The following PLEKHA5 variants were observed in gnomAD, a reference collection of about 807,000 sequenced individuals.
PLEKHA5 encodes pleckstrin homology domain containing A5.
In PLEKHA5, 55 loss-of-function variants were observed where a neutral mutation model predicts 181.9. The ratio of observed to expected loss-of-function variants is 0.30; its 90% confidence interval spans 0.24 to 0.38. The LOEUF is 0.38. PLEKHA5 is among the 10% of genes least tolerant of loss of function. The pLI, the probability that PLEKHA5 is intolerant of heterozygous loss-of-function variation, is 1.00. For missense variants in PLEKHA5, 1,432 were observed against 1,549.5 expected (o/e 0.92, Z 1.27); for synonymous variants, 535 against 529.4 (o/e 1.01, Z -0.15).
At chr12:19,198,800 A>C (rs987392433) in intron 3 of PLEKHA5, among the ~76,000 whole-genome samples, 1 of 152,158 alleles carries the variant, frequency 6.6e-6, no homozygotes, top group African/African-American at 2.4e-5. Context: ...GCGCTAAGAA[A>C]TATTTATTTT....
chr12:19,172,156 T>C (rs1448705439), intron 3 of PLEKHA5, among the ~76,000 whole-genome samples: 61 of 152,342 alleles, frequency 4.0e-4, no homozygotes, highest in Admixed American at 3.9e-3. Flanking sequence ...TACATAATTG[T>C]ATGTGTTATA....
chr12:19,218,944 A>ATT (rs1226278651), intron 3 of PLEKHA5, among the ~76,000 whole-genome samples: 1 of 131,662 alleles, frequency 7.6e-6, no homozygotes, highest in Non-Finnish European at 1.7e-5. Flanking sequence ...TTTTTTTTTA[A>ATT]TTTTTTTTTT....
intron 3 of PLEKHA5, among the ~76,000 whole-genome samples, chr12:19,155,345 C>A (rs2041433847): frequency 6.6e-6 from 1 of 152,090 alleles, no homozygotes. Flanking sequence ...GAACTCAAGT[C>A]CATTTATTTA....
chr12:19,359,611 T>C (rs909092694), intron 28 of PLEKHA5, 65 bp downstream of exon 28: 1 of 1,453,022 alleles, frequency 6.9e-7, no homozygotes, highest in East Asian at 2.3e-5. Flanking sequence ...AATCAAGTGG[T>C]AAGGTTGAAA....
rs1461069710 is a variant in PLEKHA5 at position 19,334,870 on chromosome 12, C to CTATCTATCTA, written c.2449-1644_2449-1643insATCTATCTAT. On this transcript the variant is annotated intron_variant, in intron 20 of 31. Transcript: ENST00000429027. ...TATATATATATATATATATATATATCTCTGTATACGCACACACACACAAAA... is the reference window on the plus strand; with the variant it reads ...TATATATATATATATATATATATATCTATCTATCTATCTGTATACGCACACACACACAAAA... Among the ~76,000 whole-genome samples the CTATCTATCTA allele has an allele frequency of 2.4e-3, 63 of 26,250 alleles. 1 individual carries two copies. Among genetic ancestry groups the CTATCTATCTA allele is most frequent in the Non-Finnish European group, 4.2e-3 (48 of 11,436 alleles). 17.2% of individuals were successfully genotyped at this position (26,250 alleles called of 152,430 possible).
intron 15 of PLEKHA5, among the ~76,000 whole-genome samples, chr12:19,299,867 CA>C (rs1291396557): frequency 6.6e-6 from 1 of 151,810 alleles, no homozygotes; most frequent in African/African-American, 2.4e-5. Context: ...TTTTGCCTTA[CA>C]AAAAAAAGTC....
At chr12:19,241,629 G>A (rs2062624767) in intron 3 of PLEKHA5, among the ~76,000 whole-genome samples, 1 of 151,912 alleles carries the variant, frequency 6.6e-6, no homozygotes, top group South Asian at 2.1e-4. Context: ...TGGTTGTGGT[G>A]CCTGTAATCC....
At chr12:19,244,687 G>C (rs923398802) in intron 3 of PLEKHA5, among the ~76,000 whole-genome samples, 6 of 152,206 alleles carry the variant, frequency 3.9e-5, no homozygotes, top group African/African-American at 1.4e-4. Context: ...TGTGAGTTTA[G>C]TAAGAAACAA....
chr12:19,130,018 G>A lies in PLEKHA5; in HGVS notation c.90-33G>A. On this transcript the variant is annotated intron_variant, in intron 1 of 31. Coordinates refer to ENST00000429027, the MANE Select transcript of PLEKHA5 (RefSeq NM_001256470.2). The surrounding 1 kb of genome is among the most constrained non-coding windows in gnomAD (Gnocchi z 4.5). ...GGCTCGCCCCCGCGTCCCCTCTCAC[G>A]CTCCGTGTCTGCCCCTTCTCTCACC... The A allele has an allele frequency of 6.5e-7, 1 of 1,535,488 alleles. No individual in the cohort carries two copies. Among genetic ancestry groups the A allele is most frequent in the South Asian group, 1.2e-5 (1 of 84,208 alleles).
At chr12:19,287,440 C>T (rs761268503) in intron 12 of PLEKHA5, 33 bp from the exon 13 acceptor site, 2 of 1,371,454 alleles carry the variant, frequency 1.5e-6, no homozygotes, top group Non-Finnish European at 2.1e-6. Context: ...AAAAACTTTA[C>T]CACAGAATTA....
chr12:19,198,709 C>T (rs1430136995), intron 3 of PLEKHA5, among the ~76,000 whole-genome samples: 1 of 151,752 alleles, frequency 6.6e-6, no homozygotes, highest in East Asian at 1.9e-4. Context: ...ATTTTTAATA[C>T]TTAAGATATT....
chr12:19,308,311 T>TTCTTCTACTGAACATTCTACTGAA (rs1267662273), intron 15 of PLEKHA5, among the ~76,000 whole-genome samples: 6 of 152,152 alleles, frequency 3.9e-5, no homozygotes, highest in East Asian at 3.9e-4. Flanking sequence ...TTTCTGAATG[T>TTCTTCTACTGAACATTCTACTGAA]TGTATTTGTT....
At chr12:19,334,986 A>G (rs865797664) in intron 20 of PLEKHA5, among the ~76,000 whole-genome samples, 121 of 110,666 alleles carry the variant, frequency 1.1e-3, no homozygotes, top group Non-Finnish European at 1.7e-3. Flanking sequence ...TTTTTATGAA[A>G]AAAAAAAAAA....
Position 19,283,490 on chromosome 12 carries a change from G to A in PLEKHA5, c.1524G>A (p.Gln508=), listed in dbSNP as rs758916069. Residue 508 remains glutamine (Q), a synonymous_variant, in exon 12 of 32, where the codon CAG becomes CAA. Transcript: ENST00000429027. ...CCATGAGAGATGACACAATGTGGCA[G>A]CTCTACGAATGGCAGCAGCGTCAGT... ...RRSMRDDTMW[Q]LYEWQQRQFY... The A allele has an allele frequency of 2.5e-6, 4 of 1,614,070 alleles. No individual in the cohort carries two copies. The highest frequency in any genetic ancestry group is 4.5e-5 in the East Asian group (2 of 44,880).
chr12:19,293,073 A>G (rs2078882120), intron 15 of PLEKHA5, among the ~76,000 whole-genome samples: 1 of 152,324 alleles, frequency 6.6e-6, no homozygotes, highest in East Asian at 1.9e-4. Flanking sequence ...TTTTTTATAT[A>G]AATCAAGCTA....
chr12:19,231,150 A>G (rs1450970908), intron 3 of PLEKHA5, among the ~76,000 whole-genome samples: 1 of 152,158 alleles, frequency 6.6e-6, no homozygotes, highest in African/African-American at 2.4e-5. Flanking sequence ...ACACAAAGCA[A>G]CCATTGTAAG....
chr12:19,210,480 C>T (rs56662170), intron 3 of PLEKHA5, among the ~76,000 whole-genome samples: 11,391 of 152,220 alleles, frequency 0.075, 543 homozygotes, highest in African/African-American at 0.14. Context: ...GGAATCTTCT[C>T]CCATTCTTCT....
Position 19,182,954 on chromosome 12 carries a change from G to A in PLEKHA5, c.227+50504G>A, listed in dbSNP as rs556965160. 7.2e-5 allele frequency among the ~76,000 whole-genome samples: 11 copies of A among 152,280 alleles called. No homozygotes were observed. In the East Asian group the frequency reaches 1.9e-3, roughly 27 times the overall value. On this transcript the variant is annotated intron_variant, in intron 3 of 31. Transcript: ENST00000429027. ...TTTAAACGTCCCACAAAACAAAGCT[G>A]TTGTCATTTCGTCACAGATGAACAA... is the stretch of plus-strand genomic sequence containing the variant.
rs750512545 is a variant in PLEKHA5, at chr12:19,343,400, T to G, written c.2628T>G (p.Ser876Arg). 6.2e-7 allele frequency: 1 copy of G among 1,612,320 alleles called. No individual in the cohort carries two copies. The highest frequency in any genetic ancestry group is 1.1e-5 in the South Asian group (1 of 91,004). ...TTCAGGATGTCATGGAAGGGCTGAGTAAACATAAGCAGCAAAGAGGTACTA... is the reference window on the plus strand; with the variant it reads ...TTCAGGATGTCATGGAAGGGCTGAGGAAACATAAGCAGCAAAGAGGTACTA... ...WRIQDVMEGL[S>R]KHKQQRGTTE... The change falls in exon 22 of 32, where the codon AGT becomes AGG. Residue 876 changes from serine (S) to arginine (R), a missense_variant. Physicochemically the swap from Ser to Arg is moderately radical, Grantham distance 110. Coordinates refer to ENST00000429027, the MANE Select transcript of PLEKHA5 (RefSeq NM_001256470.2).
Sources: allele counts gnomAD v4.1 joint callset (sites outside exome capture counted in the v4.1 genomes callset), GRCh38; gene constraint gnomAD v4.1.1; non-coding constraint Gnocchi (gnomAD v3.1); transcripts MANE v1.5; gene names NCBI Gene and HGNC (gene_info 2026-07-23, HGNC 2026-07-21).